Variants in SPTBN1 observed in about 807,000 individuals in gnomAD.
SPTBN1 encodes the protein spectrin beta, non-erythrocytic 1.
A neutral mutation model predicts 266.4 loss-of-function variants in SPTBN1; 32 were observed. That is an observed-to-expected ratio of 0.12 (90% confidence interval 0.09 to 0.16). The LOEUF (loss-of-function observed/expected upper bound fraction) is 0.16, where lower values mean the gene tolerates loss of function less well. Among genes scored for constraint, SPTBN1 ranks in the 10% least tolerant of loss-of-function variants. The pLI is 1.00. For synonymous variants in SPTBN1, 1,336 were observed against 1,162.2 expected (o/e 1.15, Z -3.04); for missense variants, 2,296 against 3,067.1 (o/e 0.75, Z 5.94).
At chr2:54,585,084 C>G (rs1675200873) in intron 2 of SPTBN1, among the ~76,000 whole-genome samples, 1 of 152,278 alleles carries the variant, frequency 6.6e-6, no homozygotes, top group African/African-American at 2.4e-5. Context: ...ACAGAAAAAT[C>G]AGATCTCCCC....
chr2:54,617,962 G>C lies in SPTBN1; in HGVS notation c.648-116G>C, dbSNP rs1572690701. On this transcript the variant is annotated intron_variant, in intron 6 of 35. Coordinates refer to ENST00000356805, the MANE Select transcript of SPTBN1 (RefSeq NM_003128.3). The stretch of plus-strand genomic sequence containing the variant: ...GATGATTCCATGATAGTATATTTTA[G>C]AGTTTTACTCCACTAATTGGTGATT... The C allele has an allele frequency of 6.3e-6, 5 of 791,726 alleles. No individual in the cohort carries two copies. In the East Asian group the frequency reaches 1.3e-4, roughly 20 times the overall value. 49.0% of individuals were successfully genotyped at this position (791,726 alleles called of 1,614,324 possible).
intron 1 of SPTBN1, among the ~76,000 whole-genome samples, chr2:54,460,834 C>G (rs1693329017): frequency 6.6e-6 from 1 of 152,140 alleles, no homozygotes; most frequent in Non-Finnish European, 1.5e-5. Context: ...AACCCCATCT[C>G]TACTAAAAAT....
At chr2:54,542,922 G>T (rs994581829) in intron 2 of SPTBN1, among the ~76,000 whole-genome samples, 1 of 152,172 alleles carries the variant, frequency 6.6e-6, no homozygotes, top group Non-Finnish European at 1.5e-5. Flanking sequence ...CTATCGTGTG[G>T]CCTCTAGTTT....
chr2:54,637,566 T>G (rs1015604126), intron 17 of SPTBN1, 147 bp from the exon 18 acceptor site: 1 of 655,748 alleles, frequency 1.5e-6, no homozygotes, highest in Non-Finnish European at 2.5e-6. Context: ...TAAAATCTCT[T>G]TATCTTGTCT....
intron 31 of SPTBN1, 122 bp downstream of exon 31, chr2:54,659,388 C>T (rs890578105): frequency 1.9e-5 from 18 of 934,006 alleles, no homozygotes; most frequent in Non-Finnish European, 2.9e-5. Flanking sequence ...CTGATTGCTT[C>T]CATAGACTGT....
chr2:54,533,432 A>T lies in SPTBN1; in HGVS notation c.148+6866A>T, dbSNP rs1420765498. 1.3e-5 allele frequency among the ~76,000 whole-genome samples: 2 copies of T among 150,570 alleles called. No homozygotes were observed. The highest frequency in any genetic ancestry group is 4.9e-5 in the African/African-American group (2 of 40,772). On this transcript the variant is annotated intron_variant, in intron 2 of 35. Transcript: ENST00000356805. This position sits in a 1 kb window ranked among gnomAD's most constrained non-coding sequence, Gnocchi z 4.2. ...GACTTCTAGTGAACGAACAGAGCCA[A>T]CCTCTTCCTGAATATGTAAAGAAAT...
At chr2:54,573,318 C>G (rs906531236) in intron 2 of SPTBN1, among the ~76,000 whole-genome samples, 1 of 152,156 alleles carries the variant, frequency 6.6e-6, no homozygotes, top group East Asian at 1.9e-4. Flanking sequence ...TGAAACTCTT[C>G]CACCTCAGAT....
intron 2 of SPTBN1, among the ~76,000 whole-genome samples, chr2:54,546,969 A>C (rs1271731664): frequency 6.6e-6 from 1 of 152,050 alleles, no homozygotes; most frequent in East Asian, 1.9e-4. Flanking sequence ...AAAAAAAAAA[A>C]AAAAACCACA....
chr2:54,572,750 A>G (rs1317455962), intron 2 of SPTBN1, among the ~76,000 whole-genome samples: 2 of 152,202 alleles, frequency 1.3e-5, no homozygotes, highest in African/African-American at 4.8e-5. Context: ...CAATTTTTAA[A>G]AGTCATACTC....
chr2:54,659,380 G>C, intron 31 of SPTBN1, 114 bp downstream of exon 31: 1 of 1,010,040 alleles, frequency 9.9e-7, no homozygotes, highest in Non-Finnish European at 1.5e-6. Flanking sequence ...CCTGCCTACT[G>C]ATTGCTTCCA....
intron 2 of SPTBN1, among the ~76,000 whole-genome samples, chr2:54,541,476 T>C (rs1158182876): frequency 6.6e-6 from 1 of 152,216 alleles, no homozygotes; most frequent in Non-Finnish European, 1.5e-5. Flanking sequence ...CTAAAACCCC[T>C]CACACTGAAT....
At chr2:54,502,556 A>G (rs1669330545) in intron 1 of SPTBN1, among the ~76,000 whole-genome samples, 1 of 152,032 alleles carries the variant, frequency 6.6e-6, no homozygotes, top group African/African-American at 2.4e-5. Context: ...TGCATGGGTG[A>G]CAGCTCCCTG....
intron 26 of SPTBN1, among the ~76,000 whole-genome samples, chr2:54,651,558 A>G (rs762658536): frequency 6.6e-6 from 1 of 152,218 alleles, no homozygotes; most frequent in Non-Finnish European, 1.5e-5. Flanking sequence ...TCCATTCTGC[A>G]CGGGAGCTGT....
chr2:54,492,436 G>T (rs886773975), intron 1 of SPTBN1, among the ~76,000 whole-genome samples: 1 of 144,770 alleles, frequency 6.9e-6, no homozygotes, highest in Non-Finnish European at 1.5e-5. Context: ...TTTTCCCCTA[G>T]ATCCCTGAAA....
At chr2:54,659,447 G>A (rs1467767319) in intron 31 of SPTBN1, among the ~76,000 whole-genome samples, 181 bp downstream of exon 31, 1 of 152,162 alleles carries the variant, frequency 6.6e-6, no homozygotes, top group Non-Finnish European at 1.5e-5. Context: ...GCACTGATTT[G>A]TCCACAGTCA....
rs1681595754 is a variant in SPTBN1, at chr2:54,669,404, T to A, written c.*835T>A. On this transcript the variant is annotated 3_prime_UTR_variant, in exon 36 of 36. Coordinates refer to ENST00000356805, the MANE Select transcript of SPTBN1 (RefSeq NM_003128.3). ...AAAGTAATGTTACTCTAATGGTTACTTGCTCGTGCGTTGCCACACTGTGTT... is the reference window on the plus strand; with the variant it reads ...AAAGTAATGTTACTCTAATGGTTACATGCTCGTGCGTTGCCACACTGTGTT... 6.5e-6 allele frequency: 1 copy of A among 152,684 alleles called. No individual in the cohort carries two copies. The highest frequency in any genetic ancestry group is 2.1e-4 in the South Asian group (1 of 4,832). 9.5% of individuals were successfully genotyped at this position (152,684 alleles called of 1,614,324 possible). A position where few individuals can be genotyped will look rare whatever the true frequency, so the allele number is the denominator to read the frequency against.
chr2:54,622,417 A>C lies in SPTBN1; in HGVS notation c.994A>C (p.Asn332His). 1 of 1,614,208 alleles carries C rather than the reference A, an allele frequency of 6.2e-7. No homozygotes were observed. ...CATTCTGAACAATCGCAAATTTGCC[A>C]ATTCACTGGTCGGGGTTCAACAGCA... The part of the protein sequence containing the change: ...IIILNNRKFA[N>H]SLVGVQQQLQ... Residue 332 changes from asparagine to histidine, a missense_variant, in exon 9 of 36, where the codon AAT becomes CAT. Around this residue, in one of 12 missense-constraint regions of SPTBN1, gnomAD observed 148 missense variants for 203.8 expected, o/e 0.73. Coordinates refer to ENST00000356805, the MANE Select transcript of SPTBN1 (RefSeq NM_003128.3).
At chr2:54,596,437 G>A (rs1333553899) in intron 2 of SPTBN1, among the ~76,000 whole-genome samples, 1 of 152,186 alleles carries the variant, frequency 6.6e-6, no homozygotes, top group East Asian at 1.9e-4. Flanking sequence ...GTTGACTGGG[G>A]CTTTGTGTGT....
At chr2:54,486,666 C>G (rs998103085) in intron 1 of SPTBN1, among the ~76,000 whole-genome samples, 2 of 151,536 alleles carry the variant, frequency 1.3e-5, no homozygotes, top group Non-Finnish European at 2.9e-5. Flanking sequence ...CCACTATTGT[C>G]CTATGACCCT....
Sources: allele counts gnomAD v4.1 joint callset (sites outside exome capture counted in the v4.1 genomes callset), GRCh38; gene constraint gnomAD v4.1.1; regional missense constraint gnomAD v4.1.1; non-coding constraint Gnocchi (gnomAD v3.1); transcripts MANE v1.5; gene names NCBI Gene and HGNC (gene_info 2026-07-23, HGNC 2026-07-21).